SETD1B: variants seen among roughly 807,000 people sequenced by gnomAD.
SETD1B encodes SET domain containing 1B, histone lysine methyltransferase.
SETD1B carries 7 observed loss-of-function variants against 148.0 expected under a neutral mutation model. The observed-to-expected ratio is 0.05, with a 90% confidence interval of 0.03 to 0.09. The LOEUF (loss-of-function observed/expected upper bound fraction) is 0.09. Ranked by LOEUF, SETD1B falls within the 10% of genes least tolerant of loss-of-function variation. SETD1B has a pLI of 1.00. For missense variants in SETD1B, 2,155 were observed against 2,729.9 expected (o/e 0.79, Z 4.69); for synonymous variants, 1,361 against 1,186.5 (o/e 1.15, Z -3.02).
rs546100995 is a variant in SETD1B at position 121,823,136 on chromosome 12, G to C, written c.4557G>C (p.Pro1519=). The C allele has an allele frequency of 1.1e-5, 15 of 1,409,330 alleles. No individual in the cohort carries two copies. The Admixed American group carries it at 1.9e-4, about 17-fold the overall frequency. The allele number at this position is 1,409,330 out of a possible 1,614,324, so 87.3% of individuals were successfully genotyped here. Residue 1519 remains proline (P), a synonymous_variant, in exon 12 of 17, where the codon CCG becomes CCC. Transcript: ENST00000604567. ...GCCCTCCCCCAATGAAGAGGAAGCCGGGCCGGCCCCGGCGATCCCCACCAT... is the reference window on the plus strand; with the variant it reads ...GCCCTCCCCCAATGAAGAGGAAGCCCGGCCGGCCCCGGCGATCCCCACCAT... ...ASCPPPMKRK[P]GRPRRSPPSM...
intron 6 of SETD1B, among the ~76,000 whole-genome samples, chr12:121,811,168 CAG>C (rs1159312174): frequency 4.6e-5 from 7 of 152,134 alleles, no homozygotes; most frequent in East Asian, 1.9e-4. Flanking sequence ...GCTGAGAGTT[CAG>C]AGAGTATGAG....
intron 13 of SETD1B, 110 bp downstream of exon 13, chr12:121,825,476 GCTGGCACACAGA>G: frequency 5.8e-6 from 6 of 1,037,668 alleles, no homozygotes; most frequent in East Asian, 2.7e-5. Flanking sequence ...GGCCAGAGGG[GCTGGCACACAGA>G]GGGTGCAAGT....
chr12:121,803,716 G>A (rs1875532463), upstream of SETD1B: 1 of 152,108 alleles, frequency 6.6e-6, no homozygotes, highest in Non-Finnish European at 1.5e-5. The surrounding 1 kb of genome is among the most constrained non-coding windows in gnomAD (Gnocchi z 4.7). Flanking sequence ...TCTGAGGGTA[G>A]TCCCGGCCGC....
chr12:121,799,731 T>TGGGGGGGGTGGGGG (rs1308261766), upstream of SETD1B: 3 of 31,728 alleles, frequency 9.5e-5, no homozygotes, highest in South Asian at 1.3e-3. Context: ...GGGGGGGGGG[T>TGGGGGGGGTGGGGG]GGGGTGGGGC....
At position 121,810,637 on chromosome 12, in the gene SETD1B, C is replaced by T; in HGVS notation, c.1692C>T (p.Pro564=). 1 of 1,548,936 alleles carries T rather than the reference C, an allele frequency of 6.5e-7. No homozygotes were observed. The highest frequency in any genetic ancestry group is 8.7e-7 in the Non-Finnish European group (1 of 1,146,564). ...GCCCCACGCCCCCCTCGTCACGCCC[C>T]TCCAGCACCGGCCTGGAGGATATCA... ...FRGPTPPSSR[P]SSTGLEDISP... The change falls in exon 6 of 17, where the codon CCC becomes CCT. Residue 564 remains proline (P), a synonymous_variant. Transcript: ENST00000604567. This position sits in a 1 kb window ranked among gnomAD's most constrained non-coding sequence, Gnocchi z 7.6.
chr12:121,829,877 T>C (rs1169723540), intron 16 of SETD1B, among the ~76,000 whole-genome samples, 189 bp from the exon 17 acceptor site: 1 of 152,158 alleles, frequency 6.6e-6, no homozygotes, highest in Non-Finnish European at 1.5e-5. Flanking sequence ...TTTATCATCA[T>C]TATTTAATAT....
chr12:121,827,430 A>G, intron 13 of SETD1B, 89 bp from the exon 14 acceptor site: 1 of 1,427,500 alleles, frequency 7.0e-7, no homozygotes, highest in Non-Finnish European at 9.2e-7. Context: ...GGAGCCCAGG[A>G]CACTGGGGAT....
rs1406524203 is a variant in SETD1B, at chr12:121,831,388, G to C, written c.*1149G>C. 1 of 151,560 alleles carries C rather than the reference G, an allele frequency of 6.6e-6. No homozygotes were observed. The highest frequency in any genetic ancestry group is 1.5e-5 in the Non-Finnish European group (1 of 67,930). The allele number at this position is 151,560 out of a possible 1,614,324, so 9.4% of individuals were successfully genotyped here. ...AAAAGATTTAAAAACACAAATCTAA[G>C]CCTTGACGGTTTTTTTTTCCCTTTT... is the stretch of plus-strand genomic sequence containing the variant. On this transcript the variant is annotated 3_prime_UTR_variant, in exon 17 of 17. Coordinates refer to ENST00000604567, the MANE Select transcript of SETD1B (RefSeq NM_001353345.2).
At position 121,805,710 on chromosome 12, in the gene SETD1B, T is replaced by A; in HGVS notation, c.274-125T>A. On this transcript the variant is annotated intron_variant, in intron 3 of 16. Transcript: ENST00000604567. The surrounding 1 kb of genome is among the most constrained non-coding windows in gnomAD (Gnocchi z 4.2). ...AAAAATTTTTTTTTTTTTTTTAATT[T>A]TTAGTTTTTTTACCCTTTATTGTTT... The A allele has an allele frequency of 1.1e-6, 1 of 891,982 alleles. No homozygotes were observed. The highest frequency in any genetic ancestry group is 1.5e-6 in the Non-Finnish European group (1 of 650,232). 55.3% of individuals were successfully genotyped at this position (891,982 alleles called of 1,614,324 possible). A position where few individuals can be genotyped will look rare whatever the true frequency, so the allele number is the denominator to read the frequency against.
At chr12:121,790,240 G>A in the SETD1B span, among the ~76,000 whole-genome samples, 1 of 152,252 alleles carries the variant, frequency 6.6e-6, no homozygotes, top group Non-Finnish European at 1.5e-5. Context: ...GAGAAATTCA[G>A]CCTCTGAGAG....
At position 121,810,608 on chromosome 12, in the gene SETD1B, CG is replaced by C; in HGVS notation, c.1667del (p.Gly556AlafsTer52). ...PFGTNSQPGFRGPTPPSSRPS... is the reference protein window; with the variant it reads ...PFGTNSQPGFXGPTPPSSRPS... ...TGGCACCAACTCCCAGCCAGGCTTCCGGGGCCCCACGCCCCCCTCGTCACGC... is the reference window on the plus strand; with the variant it reads ...TGGCACCAACTCCCAGCCAGGCTTCCGGGCCCCACGCCCCCCTCGTCACGC... On this transcript the variant is annotated frameshift_variant, in exon 6 of 17. Coordinates refer to ENST00000604567, the MANE Select transcript of SETD1B (RefSeq NM_001353345.2). LOFTEE classifies it high-confidence loss of function. This position sits in a 1 kb window ranked among gnomAD's most constrained non-coding sequence, Gnocchi z 7.6. The C allele has an allele frequency of 6.5e-7, 1 of 1,548,350 alleles. No individual in the cohort carries two copies.
Position 121,830,584 on chromosome 12 carries a change from T to G in SETD1B, c.*345T>G. On this transcript the variant is annotated 3_prime_UTR_variant, in exon 17 of 17. Coordinates refer to ENST00000604567, the MANE Select transcript of SETD1B (RefSeq NM_001353345.2). This position sits in a 1 kb window ranked among gnomAD's most constrained non-coding sequence, Gnocchi z 5.7. ...CTCTCCCACCATCACCCTCGGCCTC[T>G]TCCTGTGAATGCTGCTACGTTGTTT... The G allele has an allele frequency of 4.8e-6, 1 of 209,096 alleles. No homozygotes were observed. The allele number at this position is 209,096 out of a possible 1,614,324, so 13.0% of individuals were successfully genotyped here.
At chr12:121,793,498 CG>C in the SETD1B span, 1 of 1,541,852 alleles carries the variant, frequency 6.5e-7, no homozygotes. Context: ...GGCCTCACCT[CG>C]GGGAAGGAGC....
the SETD1B span, chr12:121,793,340 C>T: frequency 7.0e-7 from 1 of 1,429,136 alleles, no homozygotes; most frequent in Non-Finnish European, 9.6e-7. Context: ...CGGATCAGCC[C>T]CCCCTCACCC....
chr12:121,794,747 A>G, the SETD1B span, among the ~76,000 whole-genome samples: 1 of 149,222 alleles, frequency 6.7e-6, no homozygotes, highest in Admixed American at 6.7e-5. Context: ...TGCCCTCTGC[A>G]CCACCCAGAT....
rs1328347868 is a variant in SETD1B, at chr12:121,805,679, T to C, written c.274-156T>C. On this transcript the variant is annotated intron_variant, in intron 3 of 16. Coordinates refer to ENST00000604567, the MANE Select transcript of SETD1B (RefSeq NM_001353345.2). The surrounding 1 kb of genome is among the most constrained non-coding windows in gnomAD (Gnocchi z 4.2). ...GGCCCGCCCGCGTGCATTTTTTTTT[T>C]CCAAAAAAAATTTTTTTTTTTTTTT... 1.9e-5 allele frequency among the ~76,000 whole-genome samples: 2 copies of C among 102,642 alleles called. No individual in the cohort carries two copies. Among genetic ancestry groups the C allele is most frequent in the African/African-American group, 6.8e-5 (2 of 29,480 alleles). 67.3% of individuals were successfully genotyped at this position (102,642 alleles called of 152,430 possible). A position where few individuals can be genotyped will look rare whatever the true frequency, so the allele number is the denominator to read the frequency against.
In SETD1B at chr12:121,809,701, C is replaced by T; in HGVS notation, c.756C>T (p.Phe252=). The stretch of plus-strand genomic sequence containing the variant: ...CCCCCAATAGCGGTGGGACACCCTT[C>T]TCCCAGGACACAGCTTATTCCAGCT... The part of the protein sequence containing the change: ...SVTPNSGGTP[F]SQDTAYSSCR... Residue 252 remains phenylalanine (F), a synonymous_variant, in exon 6 of 17, where the codon TTC becomes TTT. Transcript: ENST00000604567. 1 of 1,551,650 alleles carries T rather than the reference C, an allele frequency of 6.4e-7. No homozygotes were observed. Among genetic ancestry groups the T allele is most frequent in the Non-Finnish European group, 8.7e-7 (1 of 1,146,996 alleles).
intron 16 of SETD1B, 118 bp downstream of exon 16, chr12:121,828,188 G>A (rs1376145326): frequency 1.5e-6 from 2 of 1,367,500 alleles, no homozygotes; most frequent in South Asian, 1.4e-5. Context: ...CCCAAGCTCA[G>A]GTTGGCCAAG....
At chr12:121,819,143 C>G (rs1250393370) in intron 10 of SETD1B, among the ~76,000 whole-genome samples, 2 of 152,094 alleles carry the variant, frequency 1.3e-5, no homozygotes, top group Non-Finnish European at 2.9e-5. Context: ...ACTTGGGAGG[C>G]TGAGGCAGGA....
Sources: allele counts gnomAD v4.1 joint callset (sites outside exome capture counted in the v4.1 genomes callset), GRCh38; gene constraint gnomAD v4.1.1; non-coding constraint Gnocchi (gnomAD v3.1); transcripts MANE v1.5; gene names NCBI Gene and HGNC (gene_info 2026-07-23, HGNC 2026-07-21).